Variants in SPON1 observed in about 807,000 individuals in gnomAD.
SPON1 encodes the protein spondin-1.
In SPON1, 52 loss-of-function variants were observed where a neutral mutation model predicts 111.7. That is an observed-to-expected ratio of 0.47 (90% confidence interval 0.37 to 0.59). The LOEUF is 0.59. Ranked by LOEUF, SPON1 falls within the 20% of genes least tolerant of loss-of-function variation. SPON1 has a pLI of 0.00. For missense variants in SPON1, 957 were observed against 1,068.5 expected (o/e 0.90, Z 1.46); for synonymous variants, 410 against 395.8 (o/e 1.04, Z -0.43).
intron 2 of SPON1, among the ~76,000 whole-genome samples, chr11:14,011,880 T>C (rs1278814639): frequency 6.6e-6 from 1 of 152,216 alleles, no homozygotes; most frequent in African/African-American, 2.4e-5. Context: ...TCAGATTTGA[T>C]TCCTGGCTCT....
In SPON1 at chr11:14,160,457, A is replaced by ATATATATATT. The variant is rs1847902711; in HGVS notation, c.825+24898_825+24899insTTATATATAT. 7.8e-4 allele frequency among the ~76,000 whole-genome samples: 6 copies of ATATATATATT among 7,686 alleles called. 1 individual carries two copies. The highest frequency in any genetic ancestry group is 1.1e-3 in the Non-Finnish European group (5 of 4,502). The allele number at this position is 7,686 out of a possible 152,430, so 5.0% of individuals were successfully genotyped here. A position where few individuals can be genotyped will look rare whatever the true frequency, so the allele number is the denominator to read the frequency against. ...TATATATATATTTATATATATATTTATATATATATATTTATATATATATTT... is the reference window on the plus strand; with the variant it reads ...TATATATATATTTATATATATATTTATATATATATTTATATATATATTTATATATATATTT... On this transcript the variant is annotated intron_variant, in intron 6 of 15. Coordinates refer to ENST00000576479, the MANE Select transcript of SPON1 (RefSeq NM_006108.4).
chr11:14,191,111 T>G (rs1220169831), intron 6 of SPON1, among the ~76,000 whole-genome samples: 1 of 152,184 alleles, frequency 6.6e-6, no homozygotes. Flanking sequence ...GTGAAGTTCC[T>G]CAAAAGAAGA....
At chr11:13,996,953 C>A (rs1554911881) in intron 2 of SPON1, among the ~76,000 whole-genome samples, 2 of 152,044 alleles carry the variant, frequency 1.3e-5, no homozygotes, top group Admixed American at 1.3e-4. Flanking sequence ...TTCTAATTTT[C>A]TTTTCTTTAC....
intron 2 of SPON1, among the ~76,000 whole-genome samples, chr11:14,008,307 T>C (rs1919309): frequency 0.48 from 72,782 of 151,826 alleles, 18,117 homozygotes; most frequent in East Asian, 0.69. Flanking sequence ...CCCCGACAAA[T>C]ACCAAGGAAT....
intron 2 of SPON1, among the ~76,000 whole-genome samples, chr11:14,012,259 G>C (rs992045169): frequency 6.6e-6 from 1 of 152,140 alleles, no homozygotes; most frequent in Non-Finnish European, 1.5e-5. Flanking sequence ...TGCAGCTCCA[G>C]ACAACTGAGC....
chr11:14,124,521 C>G (rs1017985511), intron 5 of SPON1, among the ~76,000 whole-genome samples: 1 of 152,166 alleles, frequency 6.6e-6, no homozygotes, highest in Non-Finnish European at 1.5e-5. Flanking sequence ...ACACCCCACC[C>G]TCCAGACAGA....
At chr11:14,237,323 C>T (rs1848879623) in intron 6 of SPON1, among the ~76,000 whole-genome samples, 1 of 152,202 alleles carries the variant, frequency 6.6e-6, no homozygotes, top group African/African-American at 2.4e-5. Flanking sequence ...CCAGAGGGAA[C>T]CCCAGTGATC....
chr11:14,230,981 A>G (rs1848795753), intron 6 of SPON1, among the ~76,000 whole-genome samples: 1 of 151,474 alleles, frequency 6.6e-6, no homozygotes. Context: ...TTTATGTTTT[A>G]TTTGTATTAT....
intron 5 of SPON1, among the ~76,000 whole-genome samples, chr11:14,112,529 C>T (rs1375227489): frequency 6.6e-6 from 1 of 152,348 alleles, no homozygotes; most frequent in African/African-American, 2.4e-5. Flanking sequence ...CTTCATAGGA[C>T]TAATGTGAGG....
chr11:14,022,282 A>C (rs1848486232), intron 2 of SPON1, among the ~76,000 whole-genome samples: 1 of 152,214 alleles, frequency 6.6e-6, no homozygotes, highest in Non-Finnish European at 1.5e-5. Context: ...AGTTTAATGA[A>C]TCTTTAAGAG....
intron 6 of SPON1, among the ~76,000 whole-genome samples, chr11:14,186,312 G>T (rs1381291819): frequency 6.6e-6 from 1 of 152,250 alleles, no homozygotes; most frequent in Non-Finnish European, 1.5e-5. Flanking sequence ...GCTCTAACAA[G>T]TGGGCAAGGG....
At chr11:14,210,111 T>C (rs1225193541) in intron 6 of SPON1, among the ~76,000 whole-genome samples, 1 of 152,206 alleles carries the variant, frequency 6.6e-6, no homozygotes. Flanking sequence ...TGGGGTTGTT[T>C]GTATTTTTCT....
rs187975040 is a variant in SPON1, at chr11:14,199,983, C to A, written c.826-43349C>A. Among the ~76,000 whole-genome samples, 173 of 152,320 alleles carry A rather than the reference C, an allele frequency of 1.1e-3. 1 individual carries two copies. In the Middle Eastern group the frequency reaches 0.024, roughly 21 times the overall value. Reference sequence around the variant, plus strand: ...ACCGCTTACAGTACCCTCAAAGAGACCATGCCCCATGCGTTTTTACACATT... The same window carrying A: ...ACCGCTTACAGTACCCTCAAAGAGAACATGCCCCATGCGTTTTTACACATT... On this transcript the variant is annotated intron_variant, in intron 6 of 15. Transcript: ENST00000576479.
intron 1 of SPON1, among the ~76,000 whole-genome samples, chr11:13,977,724 T>TA (rs34590008): frequency 0.59 from 90,045 of 151,888 alleles, 26,851 homozygotes; most frequent in East Asian, 0.7. Context: ...AGTGCTTTTT[T>TA]ATGCTCTATG....
intron 5 of SPON1, among the ~76,000 whole-genome samples, chr11:14,127,198 C>T (rs905454092): frequency 6.6e-6 from 1 of 152,034 alleles, no homozygotes; most frequent in Admixed American, 6.6e-5. Flanking sequence ...ATATTACTAT[C>T]CCTATTTTAC....
At chr11:13,963,774 G>C (rs1258030207) in intron 1 of SPON1, among the ~76,000 whole-genome samples, 1 of 152,202 alleles carries the variant, frequency 6.6e-6, no homozygotes, top group Non-Finnish European at 1.5e-5. Context: ...TTCTCTCGTG[G>C]TCCCAGACGA....
At chr11:14,107,303 T>C (rs1849191994) in intron 5 of SPON1, among the ~76,000 whole-genome samples, 1 of 152,120 alleles carries the variant, frequency 6.6e-6, no homozygotes, top group South Asian at 2.1e-4. Flanking sequence ...AGAAATAATG[T>C]TCCTTTATCC....
At chr11:13,967,461 C>G (rs529173410) in intron 1 of SPON1, among the ~76,000 whole-genome samples, 4 of 151,168 alleles carry the variant, frequency 2.6e-5, no homozygotes, top group Admixed American at 6.6e-5. Context: ...ACATGAAGAA[C>G]CTTGTCAGCC....
At chr11:14,005,058 TGAA>T (rs1387730012) in intron 2 of SPON1, among the ~76,000 whole-genome samples, 1 of 152,212 alleles carries the variant, frequency 6.6e-6, no homozygotes, top group Non-Finnish European at 1.5e-5. Flanking sequence ...TCCTTTGCTG[TGAA>T]GAAGGTTTTT....
Sources: gnomAD v4.1 joint callset for allele counts (sites outside exome capture counted in the v4.1 genomes callset) on GRCh38, gnomAD v4.1.1 for gene constraint, MANE v1.5 for transcripts, NCBI Gene and HGNC (gene_info 2026-07-23, HGNC 2026-07-21) for gene names.